USP25: variants seen among roughly 807,000 people sequenced by gnomAD.
The protein encoded by USP25 is ubiquitin specific peptidase 25, also known as ubiquitin carboxyl-terminal hydrolase 25.
In USP25, 85 loss-of-function variants were observed where a neutral mutation model predicts 158.5. The ratio of observed to expected loss-of-function variants is 0.54; its 90% CI spans 0.45 to 0.64. The LOEUF (loss-of-function observed/expected upper bound fraction) is 0.64, where lower values mean the gene tolerates loss of function less well. USP25 is among the 30% of genes least tolerant of loss of function. The pLI, the probability that USP25 is intolerant of heterozygous loss-of-function variation, is 0.00. For synonymous variants in USP25, 464 were observed against 460.4 expected (o/e 1.01, Z -0.10); for missense variants, 1,242 against 1,327.3 (o/e 0.94, Z 1.00).
chr21:15,739,076 C>A (rs1601239000), intron 1 of USP25, among the ~76,000 whole-genome samples: 2 of 152,182 alleles, frequency 1.3e-5, no homozygotes, highest in Non-Finnish European at 2.9e-5. Context: ...CCGAATAAAC[C>A]CCTTCCTCCT....
chr21:15,765,880 A>C, intron 2 of USP25, 117 bp from the exon 3 acceptor site: 1 of 954,634 alleles, frequency 1.0e-6, no homozygotes, highest in South Asian at 1.9e-5. Flanking sequence ...TCACATATAG[A>C]TTAATTGCAA....
chr21:15,753,226 T>TC (rs1568760978), intron 1 of USP25, among the ~76,000 whole-genome samples: 2 of 151,838 alleles, frequency 1.3e-5, no homozygotes, highest in African/African-American at 2.4e-5. Context: ...AAGCTGTAGT[T>TC]CCCCCCCAGG....
chr21:15,799,028 T>A (rs1002789297), intron 5 of USP25, among the ~76,000 whole-genome samples: 2 of 151,328 alleles, frequency 1.3e-5, no homozygotes, highest in African/African-American at 4.8e-5. Context: ...GTGTAAAATA[T>A]CTACAATGAA....
rs34923569 is a variant in USP25 at position 15,827,765 on chromosome 21, C to CGTGTGT, written c.1693+597_1693+602dup. ...GGGTGTGTGCACTTGTGTGCGTGTG[C>CGTGTGT]GTGTGTGTGTGTGTGTGTGTGTGTG... is the stretch of plus-strand genomic sequence containing the variant. On this transcript the variant is annotated intron_variant, in intron 14 of 25. Coordinates refer to ENST00000400183, the MANE Select transcript of USP25 (RefSeq NM_001283041.3). Among the ~76,000 whole-genome samples, 680 of 136,876 alleles carry CGTGTGT rather than the reference C, an allele frequency of 5.0e-3. 6 individuals carry two copies. Among genetic ancestry groups the CGTGTGT allele is most frequent in the African/African-American group, 7.7e-3 (300 of 38,884 alleles). 89.8% of individuals were successfully genotyped at this position (136,876 alleles called of 152,430 possible). A position where few individuals can be genotyped will look rare whatever the true frequency, so the allele number is the denominator to read the frequency against.
intron 21 of USP25, among the ~76,000 whole-genome samples, chr21:15,865,901 A>G (rs977220470): frequency 6.6e-6 from 1 of 152,240 alleles, no homozygotes; most frequent in Middle Eastern, 3.4e-3. Flanking sequence ...TTAAGAATAA[A>G]TAATACCATG....
rs2038430786 is a variant in USP25, at chr21:15,843,364, A to G, written c.2337+824A>G. ...ACATATCATAATTTTACAACACGTA[A>G]TTTTCTGCTTAGTAAGTGAATTCAG... On this transcript the variant is annotated intron_variant, in intron 18 of 25. Coordinates refer to ENST00000400183, the MANE Select transcript of USP25 (RefSeq NM_001283041.3). The surrounding 1 kb of genome is among the most constrained non-coding windows in gnomAD (Gnocchi z 4.0). Among the ~76,000 whole-genome samples, 1 of 152,162 alleles carries G rather than the reference A, an allele frequency of 6.6e-6. No individual in the cohort carries two copies. Among genetic ancestry groups the G allele is most frequent in the South Asian group, 2.1e-4 (1 of 4,834 alleles).
At chr21:15,783,987 GAAAA>G (rs2035128617) in intron 4 of USP25, among the ~76,000 whole-genome samples, 1 of 151,684 alleles carries the variant, frequency 6.6e-6, no homozygotes, top group African/African-American at 2.4e-5. Flanking sequence ...ATAAAGAAAA[GAAAA>G]AGAAATAGAG....
At chr21:15,761,897 T>C (rs917743475) in intron 1 of USP25, among the ~76,000 whole-genome samples, 1 of 152,180 alleles carries the variant, frequency 6.6e-6, no homozygotes, top group Non-Finnish European at 1.5e-5. Flanking sequence ...CTCTGCCCTA[T>C]GCGCCTTGGT....
intron 1 of USP25, among the ~76,000 whole-genome samples, chr21:15,732,168 A>G (rs2030976925): frequency 6.6e-6 from 1 of 152,210 alleles, no homozygotes; most frequent in African/African-American, 2.4e-5. Context: ...AATCCCCTCC[A>G]CACACAAAGG....
In USP25 at chr21:15,855,400, C is replaced by T. The variant is rs569475901; in HGVS notation, c.2547+5528C>T. Among the ~76,000 whole-genome samples the T allele has an allele frequency of 3.3e-5, 5 of 152,092 alleles. No homozygotes were observed. In the East Asian group the frequency reaches 7.7e-4, roughly 23 times the overall value. On this transcript the variant is annotated intron_variant, in intron 20 of 25. Transcript: ENST00000400183. The stretch of plus-strand genomic sequence containing the variant: ...ATAAAACATGTTGAAAAGTACAACT[C>T]GGTGAATTTTTTTTTGAGTGATACT...
chr21:15,753,076 C>G (rs901064796), intron 1 of USP25, among the ~76,000 whole-genome samples: 7 of 152,098 alleles, frequency 4.6e-5, no homozygotes, highest in Non-Finnish European at 8.8e-5. Context: ...GGCATTGTTG[C>G]CTCTAGGGAA....
chr21:15,730,450 CCGCCAGCCG>C lies in USP25; in HGVS notation c.45+13_45+21del. On this transcript the variant is annotated intron_variant, in intron 1 of 25. Coordinates refer to ENST00000400183, the MANE Select transcript of USP25 (RefSeq NM_001283041.3). ...GCGCGGCGCAGAAGGTGAGGCGAGTCCGCCAGCCGGCGGGCCCCACTTCTCCTTCCGACG... is the reference window on the plus strand; with the variant it reads ...GCGCGGCGCAGAAGGTGAGGCGAGTCGCGGGCCCCACTTCTCCTTCCGACG... 3 of 1,356,236 alleles carry C rather than the reference CCGCCAGCCG, an allele frequency of 2.2e-6. No individual in the cohort carries two copies. Among genetic ancestry groups the C allele is most frequent in the Non-Finnish European group, 2.9e-6 (3 of 1,045,522 alleles). 84.0% of individuals were successfully genotyped at this position (1,356,236 alleles called of 1,614,324 possible). A position where few individuals can be genotyped will look rare whatever the true frequency, so the allele number is the denominator to read the frequency against.
In USP25 at chr21:15,875,959, A is replaced by G. The variant is rs527907469; in HGVS notation, c.3009+1433A>G. The G allele has an allele frequency of 1.3e-5, 2 of 152,264 alleles. No homozygotes were observed. Among genetic ancestry groups the G allele is most frequent in the African/African-American group, 4.8e-5 (2 of 41,468 alleles). 9.4% of individuals were successfully genotyped at this position (152,264 alleles called of 1,614,324 possible). On this transcript the variant is annotated intron_variant, in intron 24 of 25. Coordinates refer to ENST00000400183, the MANE Select transcript of USP25 (RefSeq NM_001283041.3). The surrounding 1 kb of genome is among the most constrained non-coding windows in gnomAD (Gnocchi z 4.7). ...TGAAGTCAAGAACCTTAGAGGGGAA[A>G]GTCAAGGGACGGAGAGTGAGGACCT... is the stretch of plus-strand genomic sequence containing the variant.
At chr21:15,829,362 C>T (rs955658516) in intron 14 of USP25, among the ~76,000 whole-genome samples, 2 of 152,132 alleles carry the variant, frequency 1.3e-5, no homozygotes, top group African/African-American at 2.4e-5. Flanking sequence ...TTATGTCCAC[C>T]ATTTCTGGTT....
chr21:15,734,030 T>C (rs2031236305), intron 1 of USP25, among the ~76,000 whole-genome samples: 1 of 152,224 alleles, frequency 6.6e-6, no homozygotes, highest in Non-Finnish European at 1.5e-5. Context: ...ATGTTAACAG[T>C]AGTATGTTAA....
At chr21:15,795,880 A>T (rs552939824) in intron 5 of USP25, among the ~76,000 whole-genome samples, 74 of 150,826 alleles carry the variant, frequency 4.9e-4, no homozygotes, top group Admixed American at 2.6e-4. Flanking sequence ...TACCATGCTA[A>T]TTTTTTTTTA....
Position 15,751,991 on chromosome 21 carries a change from A to G in USP25, c.46-10900A>G, listed in dbSNP as rs569686275. 8.5e-5 allele frequency among the ~76,000 whole-genome samples: 13 copies of G among 152,310 alleles called. 1 individual carries two copies. Among genetic ancestry groups the G allele is most frequent in the African/African-American group, 1.4e-4 (6 of 41,560 alleles). On this transcript the variant is annotated intron_variant, in intron 1 of 25. Coordinates refer to ENST00000400183, the MANE Select transcript of USP25 (RefSeq NM_001283041.3). ...CTCTTGTTGCGCAGGTTGGAGTACA[A>G]TGGTGCAATCTCAGCTCACTGCAAC...
chr21:15,854,414 G>T (rs1175960531), intron 20 of USP25, among the ~76,000 whole-genome samples: 1 of 151,972 alleles, frequency 6.6e-6, no homozygotes, highest in Non-Finnish European at 1.5e-5. Flanking sequence ...AAAGTGCTGG[G>T]ATTACAGATG....
rs1044455090 is a variant in USP25, at chr21:15,878,408, A to G, written c.3311A>G (p.His1104Arg). Residue 1104 changes from histidine to arginine, a missense_variant, in exon 26 of 26, where the codon CAT becomes CGT. Around this residue, in one of 3 missense-constraint regions of USP25, gnomAD observed 608 missense variants for 605.2 expected, o/e 1.00. Transcript: ENST00000400183. The part of the protein sequence containing the change: ...EPPKLPSYST[H>R]ELCERFARIM... The stretch of plus-strand genomic sequence containing the variant: ...CCGAAGTTACCTTCATATTCCACGC[A>G]TGAACTCTGTGAGCGATTTGCCCGA... 14 of 1,613,962 alleles carry G rather than the reference A, an allele frequency of 8.7e-6. No homozygotes were observed. Among genetic ancestry groups the G allele is most frequent in the Admixed American group, 8.3e-5 (5 of 59,990 alleles).
Sources: allele counts gnomAD v4.1 joint callset (sites outside exome capture counted in the v4.1 genomes callset), GRCh38; gene constraint gnomAD v4.1.1; regional missense constraint gnomAD v4.1.1; non-coding constraint Gnocchi (gnomAD v3.1); transcripts MANE v1.5; gene names NCBI Gene and HGNC (gene_info 2026-07-23, HGNC 2026-07-21).